Variants in PLEKHH1 observed in about 807,000 individuals in gnomAD.
The protein encoded by PLEKHH1 is pleckstrin homology domain-containing family H member 1.
In PLEKHH1, 104 loss-of-function variants were observed where a neutral mutation model predicts 160.0. The ratio of observed to expected loss-of-function variants is 0.65; its 90% CI spans 0.55 to 0.76. PLEKHH1 has a LOEUF of 0.76. PLEKHH1 is among the 30% of genes least tolerant of loss of function. The pLI is 0.00. For synonymous variants in PLEKHH1, 619 were observed against 678.4 expected (o/e 0.91, Z 1.36); for missense variants, 1,427 against 1,724.1 (o/e 0.83, Z 3.05).
At chr14:67,536,936 A>T (rs776032471) in intron 1 of PLEKHH1, among the ~76,000 whole-genome samples, 31 of 151,596 alleles carry the variant, frequency 2.0e-4, no homozygotes, top group Non-Finnish European at 1.8e-4. Flanking sequence ...GCTACTCAGG[A>T]GGCTGAGGCA....
intron 1 of PLEKHH1, among the ~76,000 whole-genome samples, chr14:67,535,582 A>G (rs1421341404): frequency 6.6e-6 from 1 of 151,892 alleles, no homozygotes; most frequent in Non-Finnish European, 1.5e-5. Context: ...GGGTTTCACC[A>G]TGTTGGCCAG....
intron 5 of PLEKHH1, among the ~76,000 whole-genome samples, chr14:67,561,190 C>T (rs538221417): frequency 4.0e-4 from 61 of 152,272 alleles, no homozygotes; most frequent in Admixed American, 9.8e-4. Context: ...GGCTTACCTG[C>T]GTATTCTCAC....
rs1302236096 is a variant in PLEKHH1 at position 67,569,938 on chromosome 14, C to T, written c.1360C>T (p.Leu454Phe). Residue 454 changes from leucine to phenylalanine, a missense_variant, in exon 9 of 29, where the codon CTT (leucine) becomes TTT (phenylalanine). Coordinates refer to ENST00000329153, the MANE Select transcript of PLEKHH1 (RefSeq NM_020715.3). Reference sequence around the variant, plus strand: ...CTGCTCAGCTTCAAGCCCTCCTGCCCTTGTTTCCCCTGGGTCTTTCTCTGG... The same window carrying T: ...CTGCTCAGCTTCAAGCCCTCCTGCCTTTGTTTCCCCTGGGTCTTTCTCTGG... ...TACCASSPPA[L>F]VSPGSFSGLV... The T allele has an allele frequency of 3.7e-6, 6 of 1,608,966 alleles. No individual in the cohort carries two copies. The highest frequency in any genetic ancestry group is 5.1e-6 in the Non-Finnish European group (6 of 1,177,134).
Position 67,573,985 on chromosome 14 carries a change from T to G in PLEKHH1, c.1926+98T>G, listed in dbSNP as rs1006969661. 1.1e-6 allele frequency: 1 copy of G among 882,220 alleles called. No homozygotes were observed. The highest frequency in any genetic ancestry group is 1.7e-5 in the African/African-American group (1 of 60,476). 54.6% of individuals were successfully genotyped at this position (882,220 alleles called of 1,614,324 possible). A position where few individuals can be genotyped will look rare whatever the true frequency, so the allele number is the denominator to read the frequency against. ...AAAGATGGGGCCAAATGAGCATGAA[T>G]GAAAGACTTCAGATCAACATTTGGA... On this transcript the variant is annotated intron_variant, in intron 13 of 28. Transcript: ENST00000329153. The surrounding 1 kb of genome is among the most constrained non-coding windows in gnomAD (Gnocchi z 4.8).
chr14:67,557,465 T>G (rs778673748), intron 4 of PLEKHH1, 47 bp downstream of exon 4: 1 of 1,579,054 alleles, frequency 6.3e-7, no homozygotes, highest in Non-Finnish European at 8.6e-7. Flanking sequence ...TCGACATCTG[T>G]ACTGCTGGCC....
rs567696723 is a variant in PLEKHH1, at chr14:67,589,142, G to A, written c.*1907G>A. 5 of 156,702 alleles carry A rather than the reference G, an allele frequency of 3.2e-5. No homozygotes were observed. Among genetic ancestry groups the A allele is most frequent in the African/African-American group, 4.8e-5 (2 of 41,494 alleles). The allele number at this position is 156,702 out of a possible 1,614,324, so 9.7% of individuals were successfully genotyped here. ...ATAAGGATAACATTATCTACCCAGA[G>A]AGTTTAGAAGAAAAGTAGGAGTCCA... On this transcript the variant is annotated 3_prime_UTR_variant, in exon 29 of 29. Coordinates refer to ENST00000329153, the MANE Select transcript of PLEKHH1 (RefSeq NM_020715.3).
At chr14:67,536,244 C>T (rs2033712165) in intron 1 of PLEKHH1, among the ~76,000 whole-genome samples, 1 of 151,824 alleles carries the variant, frequency 6.6e-6, no homozygotes, top group Admixed American at 6.5e-5. Context: ...ATGTTGTTAG[C>T]TTGATCAGAT....
At chr14:67,587,045 A>G (rs927700357) in intron 28 of PLEKHH1, 29 bp from the exon 29 acceptor site, 2 of 1,556,732 alleles carry the variant, frequency 1.3e-6, no homozygotes, top group Admixed American at 1.9e-5. Context: ...GGCTAGTTCA[A>G]TTCCTTCACA....
chr14:67,549,594 A>G (rs559428579), intron 2 of PLEKHH1, among the ~76,000 whole-genome samples: 38 of 152,154 alleles, frequency 2.5e-4, no homozygotes, highest in South Asian at 1.5e-3. Context: ...CTAACCCTCT[A>G]TTTTTATTAT....
intron 5 of PLEKHH1, among the ~76,000 whole-genome samples, chr14:67,560,541 A>C (rs892209636): frequency 6.6e-6 from 1 of 152,042 alleles, no homozygotes; most frequent in African/African-American, 2.4e-5. Context: ...CTCTTCCCCC[A>C]TCGCCTGGTA....
chr14:67,542,339 G>C (rs991097291), intron 2 of PLEKHH1, among the ~76,000 whole-genome samples: 3 of 152,276 alleles, frequency 2.0e-5, no homozygotes, highest in Admixed American at 2.0e-4. Flanking sequence ...GGAGAAAACA[G>C]AAATCTCTAC....
Position 67,573,891 on chromosome 14 carries a change from A to G in PLEKHH1, c.1926+4A>G, listed in dbSNP as rs2035502072. The G allele has an allele frequency of 3.1e-6, 5 of 1,604,026 alleles. No individual in the cohort carries two copies. Among genetic ancestry groups the G allele is most frequent in the Non-Finnish European group, 4.3e-6 (5 of 1,170,790 alleles). ...GGAGGGTTCACAGACGTTTCAGGTG[A>G]GCACGCTCCTGGCTGCTAGTATTTT... On this transcript the variant is annotated splice_donor_region_variant and intron_variant, in intron 13 of 28. Transcript: ENST00000329153. The surrounding 1 kb of genome is among the most constrained non-coding windows in gnomAD (Gnocchi z 4.8).
At position 67,573,497 on chromosome 14, in the gene PLEKHH1, G is replaced by T; in HGVS notation, c.1839+111G>T. On this transcript the variant is annotated intron_variant, in intron 12 of 28. Transcript: ENST00000329153. The surrounding 1 kb of genome is among the most constrained non-coding windows in gnomAD (Gnocchi z 4.8). ...TGTGGCCCAAGGCCAGAGGGCAAAG[G>T]TCTGGCAGGTGGGGAGAGGCAACCT... The T allele has an allele frequency of 1.4e-5, 11 of 767,470 alleles. 1 individual carries two copies. In the South Asian group the frequency reaches 1.9e-4, roughly 13 times the overall value. The allele number at this position is 767,470 out of a possible 1,614,324, so 47.5% of individuals were successfully genotyped here. A position where few individuals can be genotyped will look rare whatever the true frequency, so the allele number is the denominator to read the frequency against.
At position 67,569,966 on chromosome 14, in the gene PLEKHH1, T is replaced by C. The variant is rs955144038; in HGVS notation, c.1388T>C (p.Leu463Pro). 3.1e-6 allele frequency: 5 copies of C among 1,609,916 alleles called. No homozygotes were observed. The African/African-American group carries it at 5.3e-5, about 17-fold the overall frequency. ...ALVSPGSFSGLVYKNVTVPVY... is the reference protein window; with the variant it reads ...ALVSPGSFSGPVYKNVTVPVY... ...GTTTCCCCTGGGTCTTTCTCTGGCC[T>C]GGTCTACAAGAATGTCACTGTGCCT... is the stretch of plus-strand genomic sequence containing the variant. The change falls in exon 9 of 29, where the codon CTG (leucine) becomes CCG (proline). Residue 463 changes from leucine (L) to proline (P), a missense_variant. Transcript: ENST00000329153.
intron 7 of PLEKHH1, among the ~76,000 whole-genome samples, chr14:67,566,637 A>T (rs763609242): frequency 4.6e-5 from 7 of 151,992 alleles, no homozygotes; most frequent in Non-Finnish European, 1.0e-4. Context: ...AGTCCCAGCT[A>T]CTCAGGAGGC....
At chr14:67,581,106 C>T in intron 23 of PLEKHH1, 68 bp downstream of exon 23, 1 of 944,626 alleles carries the variant, frequency 1.1e-6, no homozygotes, top group Non-Finnish European at 1.7e-6. Context: ...TCATCGCCTC[C>T]TCGACTAGAC....
intron 4 of PLEKHH1, among the ~76,000 whole-genome samples, chr14:67,558,151 A>G (rs1452710041): frequency 6.6e-6 from 1 of 152,138 alleles, no homozygotes; most frequent in East Asian, 1.9e-4. Context: ...TCCCCTTCAC[A>G]ATCTCACCAA....
chr14:67,534,820 A>G (rs1305312559), intron 1 of PLEKHH1, among the ~76,000 whole-genome samples: 1 of 152,196 alleles, frequency 6.6e-6, no homozygotes, highest in African/African-American at 2.4e-5. Flanking sequence ...ATGTCTGGCA[A>G]TTTAAAGTGT....
intron 3 of PLEKHH1, 67 bp downstream of exon 3, chr14:67,555,954 C>T: frequency 6.3e-7 from 1 of 1,581,016 alleles, no homozygotes; most frequent in South Asian, 1.2e-5. Flanking sequence ...AGGCCCTTCC[C>T]ACGGACACAG....
Sources: allele counts gnomAD v4.1 joint callset (sites outside exome capture counted in the v4.1 genomes callset), GRCh38; gene constraint gnomAD v4.1.1; non-coding constraint Gnocchi (gnomAD v3.1); transcripts MANE v1.5; gene names NCBI Gene and HGNC (gene_info 2026-07-23, HGNC 2026-07-21).